The following CSMD2 variants were observed in gnomAD, a reference collection of about 807,000 sequenced individuals.
CSMD2 encodes CUB and Sushi multiple domains 2, also known as CUB and sushi domain-containing protein 2.
A neutral mutation model predicts 398.5 loss-of-function variants in CSMD2; 130 were observed. The observed-to-expected ratio is 0.33, with a 90% CI of 0.28 to 0.38. The LOEUF is 0.38. CSMD2 is among the 10% of genes least tolerant of loss of function. CSMD2 has a pLI of 1.00. For synonymous variants in CSMD2, 1,828 were observed against 1,908.5 expected, an observed-to-expected ratio of 0.96 and a Z score of 1.10; for missense variants, 3,829 against 4,764.9, an observed-to-expected ratio of 0.80 and a Z score of 5.78.
chr1:33,527,006 C>G (rs1023405063), intron 65 of CSMD2, among the ~76,000 whole-genome samples, 190 bp downstream of exon 65: 1 of 152,196 alleles, frequency 6.6e-6, no homozygotes, highest in Non-Finnish European at 1.5e-5. Flanking sequence ...TTTCTGCTTC[C>G]TTCAGGCTCA....
At chr1:33,897,648 G>C (rs1419897639) in intron 5 of CSMD2, among the ~76,000 whole-genome samples, 1 of 152,168 alleles carries the variant, frequency 6.6e-6, no homozygotes, top group Non-Finnish European at 1.5e-5. Flanking sequence ...ACAGAGCCAG[G>C]AGTCTCAGCC....
At chr1:34,022,813 G>A (rs1411240976) in intron 3 of CSMD2, among the ~76,000 whole-genome samples, 3 of 152,096 alleles carry the variant, frequency 2.0e-5, no homozygotes, top group Non-Finnish European at 4.4e-5. Context: ...AATGGTTGGG[G>A]ATTTCCATTG....
Position 34,117,819 on chromosome 1 carries a change from A to G in CSMD2, c.188-28626T>C, listed in dbSNP as rs12065841. ...TTGAAATGCAAAAATTTTGTTCAGC[A>G]TATGAAAATCCATCAATATAATATC... On this transcript the variant is annotated intron_variant, in intron 1 of 70. Transcript: ENST00000373381. Among the ~76,000 whole-genome samples, 1,173 of 152,358 alleles carry G rather than the reference A, an allele frequency of 7.7e-3. 23 individuals carry two copies. Among genetic ancestry groups the G allele is most frequent in the African/African-American group, 0.027 (1,114 of 41,590 alleles).
intron 13 of CSMD2, among the ~76,000 whole-genome samples, chr1:33,765,162 A>C (rs17479730): frequency 0.034 from 5,132 of 152,296 alleles, 156 homozygotes; most frequent in Admixed American, 0.1. Context: ...TTTTAACAGG[A>C]GTGCACATAC....
chr1:34,029,064 G>T (rs35075499), intron 3 of CSMD2, among the ~76,000 whole-genome samples: 15,313 of 152,152 alleles, frequency 0.1, 844 homozygotes, highest in East Asian at 0.19. Flanking sequence ...GCCAAGAGGA[G>T]CTACCAAGAG....
chr1:34,142,316 C>A (rs1364576560), intron 1 of CSMD2, among the ~76,000 whole-genome samples: 1 of 152,114 alleles, frequency 6.6e-6, no homozygotes, highest in African/African-American at 2.4e-5. Context: ...AGGATCAAAT[C>A]AGACAACTTG....
chr1:33,553,463 T>G (rs1263452684), intron 55 of CSMD2, among the ~76,000 whole-genome samples: 1 of 152,168 alleles, frequency 6.6e-6, no homozygotes, highest in Non-Finnish European at 1.5e-5. Flanking sequence ...TCCTTGTCTA[T>G]CTCCCTCTCC....
chr1:34,080,658 A>G (rs1290354553), intron 2 of CSMD2, among the ~76,000 whole-genome samples: 3 of 152,168 alleles, frequency 2.0e-5, no homozygotes, highest in Admixed American at 6.5e-5. Context: ...AGCCATAAAA[A>G]TTTATGGAAT....
At chr1:33,954,329 T>C (rs1359098373) in intron 3 of CSMD2, among the ~76,000 whole-genome samples, 3 of 151,208 alleles carry the variant, frequency 2.0e-5, no homozygotes, top group Middle Eastern at 3.4e-3. Context: ...TGGGTTGCTA[T>C]GGAAACCTGT....
intron 6 of CSMD2, among the ~76,000 whole-genome samples, chr1:33,843,987 C>T (rs1201555970): frequency 6.6e-6 from 1 of 152,150 alleles, no homozygotes; most frequent in Non-Finnish European, 1.5e-5. Flanking sequence ...TCCTCAGGGG[C>T]CTCACCATCT....
intron 1 of CSMD2, among the ~76,000 whole-genome samples, chr1:34,103,934 T>C (rs1660276219): frequency 6.6e-6 from 1 of 152,216 alleles, no homozygotes; most frequent in Non-Finnish European, 1.5e-5. Context: ...CCACTTAATA[T>C]TGTGTGTGGG....
chr1:34,121,402 A>G (rs1335482962), intron 1 of CSMD2, among the ~76,000 whole-genome samples: 1 of 152,194 alleles, frequency 6.6e-6, no homozygotes, highest in African/African-American at 2.4e-5. Flanking sequence ...GGCTATGACC[A>G]CTAGGTCTTG....
chr1:33,759,932 C>T (rs904077209), intron 13 of CSMD2, among the ~76,000 whole-genome samples: 1 of 152,194 alleles, frequency 6.6e-6, no homozygotes, highest in Non-Finnish European at 1.5e-5. Flanking sequence ...ATTCATGAAA[C>T]TAGCTTTTGC....
intron 60 of CSMD2, among the ~76,000 whole-genome samples, chr1:33,538,015 T>G (rs1442309104): frequency 6.6e-6 from 1 of 152,260 alleles, no homozygotes; most frequent in Non-Finnish European, 1.5e-5. Context: ...TTCATTCACT[T>G]AGCATTATCT....
At chr1:33,627,575 C>T (rs1642208110) in intron 32 of CSMD2, among the ~76,000 whole-genome samples, 1 of 152,214 alleles carries the variant, frequency 6.6e-6, no homozygotes, top group African/African-American at 2.4e-5. Context: ...AACGGAACTA[C>T]TGGGAGGTCC....
chr1:33,544,368 C>T (rs975596661), intron 57 of CSMD2, among the ~76,000 whole-genome samples: 2 of 151,736 alleles, frequency 1.3e-5, no homozygotes, highest in South Asian at 4.2e-4. Flanking sequence ...CCACCCGCCT[C>T]GGCCTCCCAA....
intron 3 of CSMD2, among the ~76,000 whole-genome samples, chr1:33,997,174 C>G (rs189241799): frequency 6.6e-6 from 1 of 152,168 alleles, no homozygotes; most frequent in Admixed American, 6.5e-5. Context: ...CCCTGCTCAT[C>G]GATGCCTTGG....
rs767008079 is a variant in CSMD2 at position 33,533,150 on chromosome 1, G to A, written c.10071C>T (p.Leu3357=). ...AGAAGCCCTCCTGGCAGGAGTAGAT[G>A]AGCGTGTAGCCCATGGAGGGCAAAT... ...ALDLPSMGYT[L]IYSCQEGFSL... The change falls in exon 64 of 71, where the codon CTC becomes CTT. Residue 3357 remains leucine, a synonymous_variant. Transcript: ENST00000373381. The surrounding 1 kb of genome is among the most constrained non-coding windows in gnomAD (Gnocchi z 4.2). 1.2e-6 allele frequency: 2 copies of A among 1,614,090 alleles called. No individual in the cohort carries two copies. The highest frequency in any genetic ancestry group is 2.2e-5 in the East Asian group (1 of 44,890).
intron 3 of CSMD2, among the ~76,000 whole-genome samples, chr1:34,024,837 A>C (rs1225383618): frequency 6.6e-6 from 1 of 152,252 alleles, no homozygotes; most frequent in Non-Finnish European, 1.5e-5. Context: ...CCATTAGCCC[A>C]ATTTTGAGAT....
Sources: allele counts gnomAD v4.1 joint callset (sites outside exome capture counted in the v4.1 genomes callset), GRCh38; gene constraint gnomAD v4.1.1; non-coding constraint Gnocchi (gnomAD v3.1); transcripts MANE v1.5; gene names NCBI Gene and HGNC (gene_info 2026-07-23, HGNC 2026-07-21).